The following WDR48 variants were observed in gnomAD, a reference collection of about 807,000 sequenced individuals.
The protein encoded by WDR48 is WD repeat domain 48.
WDR48 carries 22 observed loss-of-function variants against 94.0 expected under a neutral mutation model. The ratio of observed to expected loss-of-function variants is 0.23; its 90% confidence interval spans 0.17 to 0.33. The LOEUF is 0.33. Among genes scored for constraint, WDR48 ranks in the 10% least tolerant of loss-of-function variants. The pLI, the probability that WDR48 is intolerant of heterozygous loss-of-function variation, is 1.00. For synonymous variants in WDR48, 278 were observed against 280.5 expected (o/e 0.99, Z 0.09); for missense variants, 541 against 813.8 (o/e 0.66, Z 4.08).
At position 39,074,764 on chromosome 3, in the gene WDR48, G is replaced by T; in HGVS notation, c.711G>T (p.Trp237Cys). 6.2e-7 allele frequency: 1 copy of T among 1,614,194 alleles called. No homozygotes were observed. The highest frequency in any genetic ancestry group is 8.5e-7 in the Non-Finnish European group (1 of 1,180,032). ...GTTCTGATGGGACAATTCGCCTTTGGTCCCTTGGCCAGCAGAGATGTATAG... is the reference window on the plus strand; with the variant it reads ...GTTCTGATGGGACAATTCGCCTTTGTTCCCTTGGCCAGCAGAGATGTATAG... ...SGSSDGTIRL[W>C]SLGQQRCIAT... is the part of the protein sequence containing the mutation. The change falls in exon 8 of 19, where the codon TGG becomes TGT. Residue 237 changes from tryptophan (W) to cysteine (C), a missense_variant. Physicochemically the swap from Trp to Cys is radical, Grantham distance 215 (BLOSUM62 -2). Coordinates refer to ENST00000302313, the MANE Select transcript of WDR48 (RefSeq NM_020839.4).
At chr3:39,075,717 G>A (rs570702325) in intron 8 of WDR48, among the ~76,000 whole-genome samples, 59 of 150,164 alleles carry the variant, frequency 3.9e-4, no homozygotes, top group South Asian at 1.5e-3. Context: ...TTTTTGAGAC[G>A]GAGTCTTGCT....
intron 1 of WDR48, among the ~76,000 whole-genome samples, chr3:39,061,867 T>G (rs960489310): frequency 8.8e-6 from 1 of 113,292 alleles, no homozygotes; most frequent in African/African-American, 6.1e-5. Flanking sequence ...TGAGCATTTT[T>G]TCTTGTGTCT....
intron 1 of WDR48, among the ~76,000 whole-genome samples, chr3:39,053,666 C>T (rs1481546969): frequency 1.3e-5 from 2 of 152,104 alleles, no homozygotes; most frequent in Non-Finnish European, 2.9e-5. Context: ...CTTAAAACTC[C>T]TATTACTGCA....
Position 39,096,125 on chromosome 3 carries a change from A to AT in WDR48, c.*1385dup. On this transcript the variant is annotated 3_prime_UTR_variant, in exon 19 of 19. Transcript: ENST00000302313. ...GATAGGCCTAAGGCCATACCTTACT[A>AT]TTTAAGATACTCTGATCGCACAACT... The AT allele has an allele frequency of 6.6e-6, 1 of 152,630 alleles. No individual in the cohort carries two copies. The highest frequency in any genetic ancestry group is 1.5e-5 in the Non-Finnish European group (1 of 68,042). 9.5% of individuals were successfully genotyped at this position (152,630 alleles called of 1,614,324 possible).
intron 16 of WDR48, 138 bp downstream of exon 16, chr3:39,089,456 T>C: frequency 3.1e-6 from 2 of 637,308 alleles, no homozygotes; most frequent in Middle Eastern, 3.3e-4. Context: ...TCCTTGCAGT[T>C]CCAAAGTTGC....
At chr3:39,085,468 G>C in intron 13 of WDR48, 47 bp from the exon 14 acceptor site, 1 of 1,455,532 alleles carries the variant, frequency 6.9e-7, no homozygotes, top group Non-Finnish European at 9.6e-7. Flanking sequence ...TTAAAGCCAA[G>C]TAACTCGCTT....
chr3:39,093,834 G>A, intron 17 of WDR48, 40 bp from the exon 18 acceptor site: 1 of 1,461,640 alleles, frequency 6.8e-7, no homozygotes, highest in Non-Finnish European at 9.0e-7. Context: ...AATATCTAGT[G>A]ATTTCCCTGA....
At chr3:39,094,400 C>T in intron 18 of WDR48, 1 of 1,498,722 alleles carries the variant, frequency 6.7e-7, no homozygotes, top group Non-Finnish European at 8.9e-7. Flanking sequence ...TCAAGATGCA[C>T]TCAAAACGTA....
intron 2 of WDR48, among the ~76,000 whole-genome samples, chr3:39,064,758 T>A (rs1264429551): frequency 1.3e-5 from 2 of 152,232 alleles, no homozygotes; most frequent in East Asian, 3.8e-4. Context: ...AAAGAACCAC[T>A]ACTTTATGCG....
chr3:39,092,598 C>G (rs1442346257), intron 17 of WDR48, among the ~76,000 whole-genome samples: 1 of 151,954 alleles, frequency 6.6e-6, no homozygotes, highest in East Asian at 1.9e-4. Context: ...TGACTAAACA[C>G]CAGAAACTTT....
chr3:39,075,069 T>TA (rs764056166), intron 8 of WDR48, 119 bp downstream of exon 8: 33 of 956,960 alleles, frequency 3.4e-5, no homozygotes, highest in Non-Finnish European at 4.9e-5. Flanking sequence ...GGAAGGTTTG[T>TA]AAAAAAGATA....
intron 1 of WDR48, among the ~76,000 whole-genome samples, chr3:39,060,684 T>G (rs1193941891): frequency 6.6e-6 from 1 of 152,250 alleles, no homozygotes; most frequent in Non-Finnish European, 1.5e-5. Context: ...CTTTTAAAAA[T>G]TATTTTTATG....
chr3:39,088,041 A>G (rs766743109), intron 14 of WDR48, 87 bp from the exon 15 acceptor site: 14 of 1,229,076 alleles, frequency 1.1e-5, no homozygotes, highest in African/African-American at 3.0e-5. Context: ...TAATCTTGCA[A>G]TGTTTGAAGC....
chr3:39,052,472 G>A, intron 1 of WDR48: 2 of 193,466 alleles, frequency 1.0e-5, no homozygotes, highest in Non-Finnish European at 2.1e-5. Flanking sequence ...GGGGGTGGGC[G>A]TTGGAGGAGT....
intron 16 of WDR48, chr3:39,089,856 A>C (rs1559627143): frequency 6.6e-6 from 1 of 152,186 alleles, no homozygotes; most frequent in Non-Finnish European, 1.5e-5. Flanking sequence ...TGACTGTGTA[A>C]GATTCTACTG....
At chr3:39,085,091 G>T (rs2034743323) in intron 13 of WDR48, among the ~76,000 whole-genome samples, 1 of 152,312 alleles carries the variant, frequency 6.6e-6, no homozygotes, top group Non-Finnish European at 1.5e-5. Flanking sequence ...GCCGGGCGTG[G>T]TGGCGGGTGC....
At chr3:39,068,102 A>G (rs2033717421) in intron 5 of WDR48, among the ~76,000 whole-genome samples, 1 of 152,158 alleles carries the variant, frequency 6.6e-6, no homozygotes. Flanking sequence ...TTTTTAATAC[A>G]TAATAATAAA....
rs758481871 is a variant in WDR48, at chr3:39,066,557, C to T, written c.278C>T (p.Ala93Val). 6.2e-7 allele frequency: 1 copy of T among 1,613,610 alleles called. No homozygotes were observed. Residue 93 changes from alanine (A) to valine (V), a missense_variant, in exon 4 of 19, where the codon GCT becomes GTT. By Grantham distance (64) the Ala-to-Val change is moderately conservative. Transcript: ENST00000302313. ...LCCNGKTLIS[A>V]SSDTTVKVWN... ...TCTTTGCTTCTTCTAGTAATATCTGCTTCTTCTGACACGACAGTAAAAGTA... is the reference window on the plus strand; with the variant it reads ...TCTTTGCTTCTTCTAGTAATATCTGTTTCTTCTGACACGACAGTAAAAGTA...
intron 18 of WDR48, 85 bp downstream of exon 18, chr3:39,094,151 A>C (rs2035223038): frequency 2.0e-6 from 3 of 1,516,938 alleles, no homozygotes; most frequent in South Asian, 1.4e-5. Context: ...GGGGGCTTCT[A>C]CTTTTAGAGG....
Sources: allele counts gnomAD v4.1 joint callset (sites outside exome capture counted in the v4.1 genomes callset), GRCh38; gene constraint gnomAD v4.1.1; transcripts MANE v1.5; gene names NCBI Gene and HGNC (gene_info 2026-07-23, HGNC 2026-07-21).